The following GALNT13 variants were observed in gnomAD, a reference collection of about 807,000 sequenced individuals.
GALNT13 encodes UDP-GalNAc:polypeptide N-acetylgalactosaminyltransferase 13.
In GALNT13, 28 loss-of-function variants were observed where a neutral mutation model predicts 64.2. The ratio of observed to expected loss-of-function variants is 0.44; its 90% CI spans 0.32 to 0.60. The LOEUF (loss-of-function observed/expected upper bound fraction) is 0.60, where lower values mean the gene tolerates loss of function less well. Ranked by LOEUF, GALNT13 falls within the 20% of genes least tolerant of loss-of-function variation. GALNT13 has a pLI of 0.05. For missense variants in GALNT13, 577 were observed against 669.8 expected, an observed-to-expected ratio of 0.86 and a Z score of 1.53; for synonymous variants, 214 against 224.6, an observed-to-expected ratio of 0.95 and a Z score of 0.42.
At chr2:153,717,549 C>G in the GALNT13 span, among the ~76,000 whole-genome samples, 489 of 152,242 alleles carry the variant, frequency 3.2e-3, 5 homozygotes, top group Admixed American at 7.1e-3. Flanking sequence ...GAACACAATT[C>G]AAAAATTATG....
intron 9 of GALNT13, among the ~76,000 whole-genome samples, chr2:154,368,740 G>C (rs13009465): frequency 0.071 from 10,790 of 152,092 alleles, 397 homozygotes; most frequent in Middle Eastern, 0.11. Flanking sequence ...TAGGAACAGG[G>C]CCTGGGACAG....
At chr2:153,344,545 C>A in the GALNT13 span, among the ~76,000 whole-genome samples, 1 of 152,040 alleles carries the variant, frequency 6.6e-6, no homozygotes, top group Non-Finnish European at 1.5e-5. Flanking sequence ...GGCTGGTGTG[C>A]AGTGGCGTGA....
chr2:153,179,912 C>T, the GALNT13 span, among the ~76,000 whole-genome samples: 304 of 152,088 alleles, frequency 2.0e-3, 1 homozygote, highest in African/African-American at 6.9e-3. Context: ...ATCATTTATT[C>T]TAACAGTTTT....
chr2:153,084,267 G>T, the GALNT13 span, among the ~76,000 whole-genome samples: 1 of 152,164 alleles, frequency 6.6e-6, no homozygotes, highest in Non-Finnish European at 1.5e-5. Context: ...TTCTAGTTCT[G>T]TGAAGAATGA....
the GALNT13 span, among the ~76,000 whole-genome samples, chr2:153,647,321 T>A: frequency 6.6e-6 from 1 of 152,226 alleles, no homozygotes; most frequent in Non-Finnish European, 1.5e-5. Context: ...ATTTGTTTTT[T>A]TTCTTGTAAA....
chr2:153,547,334 G>T, the GALNT13 span, among the ~76,000 whole-genome samples: 10 of 152,130 alleles, frequency 6.6e-5, no homozygotes, highest in Non-Finnish European at 1.2e-4. Flanking sequence ...TGATAAGATG[G>T]TATTCTAAGG....
intron 3 of GALNT13, among the ~76,000 whole-genome samples, chr2:154,133,063 A>G (rs985263336): frequency 2.0e-5 from 3 of 152,132 alleles, no homozygotes; most frequent in African/African-American, 4.8e-5. Context: ...TGTAGTGCCT[A>G]TTGGCTTTGG....
intron 8 of GALNT13, among the ~76,000 whole-genome samples, chr2:154,269,360 T>C (rs2105918738): frequency 6.6e-6 from 1 of 152,112 alleles, no homozygotes; most frequent in South Asian, 2.1e-4. Context: ...TAGAGTTCTT[T>C]GCCTTTTTGT....
At chr2:154,369,202 G>A (rs1439352940) in intron 9 of GALNT13, among the ~76,000 whole-genome samples, 1 of 152,040 alleles carries the variant, frequency 6.6e-6, no homozygotes, top group East Asian at 1.9e-4. Flanking sequence ...ATGACACTAA[G>A]TATCTCGTAT....
the GALNT13 span, among the ~76,000 whole-genome samples, chr2:153,287,391 C>A: frequency 6.6e-6 from 1 of 152,194 alleles, no homozygotes; most frequent in East Asian, 1.9e-4. Context: ...CCCTCTCTGC[C>A]TTGTCGCAAG....
chr2:154,190,051 T>C (rs1236268031), intron 4 of GALNT13, among the ~76,000 whole-genome samples: 1 of 152,212 alleles, frequency 6.6e-6, no homozygotes, highest in African/African-American at 2.4e-5. Flanking sequence ...TTCTTGTGTG[T>C]GTTTTTCGTT....
At chr2:153,172,305 A>G in the GALNT13 span, among the ~76,000 whole-genome samples, 1 of 152,160 alleles carries the variant, frequency 6.6e-6, no homozygotes, top group African/African-American at 2.4e-5. Flanking sequence ...TTCGTTTTTC[A>G]TACAGTGGAG....
chr2:153,821,722 A>G, the GALNT13 span, among the ~76,000 whole-genome samples: 1 of 152,214 alleles, frequency 6.6e-6, no homozygotes, highest in Non-Finnish European at 1.5e-5. Flanking sequence ...AAGAAAACAA[A>G]TAACTAAAAT....
At chr2:153,627,894 A>G in the GALNT13 span, among the ~76,000 whole-genome samples, 1 of 152,184 alleles carries the variant, frequency 6.6e-6, no homozygotes, top group South Asian at 2.1e-4. Context: ...GAAGAAGGTC[A>G]TTGGTAGCTT....
At chr2:154,426,528 T>G (rs1038344163) in intron 11 of GALNT13, among the ~76,000 whole-genome samples, 1 of 152,150 alleles carries the variant, frequency 6.6e-6, no homozygotes, top group Non-Finnish European at 1.5e-5. Flanking sequence ...GCAATATGTG[T>G]ACATTCAAGC....
the GALNT13 span, among the ~76,000 whole-genome samples, chr2:153,434,399 C>G: frequency 1.3e-5 from 2 of 152,170 alleles, no homozygotes; most frequent in Non-Finnish European, 2.9e-5. Context: ...CCTGAGGAAT[C>G]GCCACACCGA....
chr2:153,215,847 A>G, the GALNT13 span, among the ~76,000 whole-genome samples: 3 of 151,944 alleles, frequency 2.0e-5, no homozygotes, highest in Non-Finnish European at 1.5e-5. Flanking sequence ...AAATTTATGT[A>G]ACAGTAAAAT....
At chr2:154,081,636 A>G (rs1337387263) in intron 3 of GALNT13, among the ~76,000 whole-genome samples, 1 of 151,674 alleles carries the variant, frequency 6.6e-6, no homozygotes, top group East Asian at 1.9e-4. Context: ...CACCCAAATT[A>G]TACGCATTTA....
the GALNT13 span, among the ~76,000 whole-genome samples, chr2:153,495,212 C>A: frequency 1.3e-5 from 2 of 151,958 alleles, no homozygotes; most frequent in Admixed American, 1.3e-4. Context: ...CACAATGGTA[C>A]AATCCTTTAG....
Sources: allele counts gnomAD v4.1 joint callset (sites outside exome capture counted in the v4.1 genomes callset), GRCh38; gene constraint gnomAD v4.1.1; transcripts MANE v1.5; gene names NCBI Gene and HGNC (gene_info 2026-07-23, HGNC 2026-07-21).